Variants in CTNNA2 observed in about 807,000 individuals in gnomAD.
The protein encoded by CTNNA2 is catenin alpha-2.
Under a neutral mutation model 101.0 loss-of-function variants are expected in CTNNA2, and 42 were observed. That is an observed-to-expected ratio of 0.42 (90% CI 0.32 to 0.54). The LOEUF (loss-of-function observed/expected upper bound fraction) is 0.54, where lower values mean the gene tolerates loss of function less well. Ranked by LOEUF, CTNNA2 falls within the 20% of genes least tolerant of loss-of-function variation. The probability of loss-of-function intolerance (pLI) is 0.14; values close to 1 mark genes in which losing one functional copy is unlikely to be tolerated. For synonymous variants in CTNNA2, 450 were observed against 456.4 expected, an observed-to-expected ratio of 0.99 and a Z score of 0.18; for missense variants, 871 against 1,223.1, an observed-to-expected ratio of 0.71 and a Z score of 4.29.
chr2:79,735,648 C>T (rs1019347936), intron 2 of CTNNA2, among the ~76,000 whole-genome samples: 7 of 152,154 alleles, frequency 4.6e-5, no homozygotes, highest in African/African-American at 1.7e-4. Context: ...GAGGGTACGT[C>T]TACAATAATT....
At chr2:79,272,655 G>C (rs562178414) in intron 2 of CTNNA2, among the ~76,000 whole-genome samples, 51 of 152,128 alleles carry the variant, frequency 3.4e-4, no homozygotes, top group African/African-American at 1.2e-3. Flanking sequence ...CCTTGCCACT[G>C]TAAATTGGAT....
At chr2:80,466,304 G>A (rs1684849997) in intron 9 of CTNNA2, among the ~76,000 whole-genome samples, 5 of 152,210 alleles carry the variant, frequency 3.3e-5, no homozygotes, top group African/African-American at 1.2e-4. Flanking sequence ...TGATGCAAAA[G>A]CGTGCCTGTT....
intron 5 of CTNNA2, among the ~76,000 whole-genome samples, chr2:79,871,654 A>G (rs1682591208): frequency 6.6e-6 from 1 of 152,176 alleles, no homozygotes; most frequent in African/African-American, 2.4e-5. Flanking sequence ...ACTGGCTCAC[A>G]TGCCAGTCAC....
At chr2:79,300,922 T>C (rs924262321) in intron 2 of CTNNA2, among the ~76,000 whole-genome samples, 1 of 152,132 alleles carries the variant, frequency 6.6e-6, no homozygotes, top group East Asian at 1.9e-4. Flanking sequence ...TCCAGGTGTA[T>C]TTTTGGTTCC....
intron 1 of CTNNA2, among the ~76,000 whole-genome samples, chr2:79,536,457 T>C (rs1673066575): frequency 6.6e-6 from 1 of 152,184 alleles, no homozygotes; most frequent in African/African-American, 2.4e-5. Flanking sequence ...CAGATACCAG[T>C]AGTACAATCT....
chr2:79,188,585 A>G (rs1412685395), intron 1 of CTNNA2, among the ~76,000 whole-genome samples: 2 of 152,200 alleles, frequency 1.3e-5, no homozygotes, highest in African/African-American at 2.4e-5. Context: ...GACAATAGAC[A>G]ACAGAGAATA....
chr2:80,617,319 G>A (rs1210171496), intron 17 of CTNNA2, among the ~76,000 whole-genome samples: 1 of 151,384 alleles, frequency 6.6e-6, no homozygotes, highest in East Asian at 1.9e-4. Context: ...TCAAAGATAA[G>A]CCAACTAGTC....
chr2:80,350,708 C>A (rs1673205720), intron 7 of CTNNA2, among the ~76,000 whole-genome samples: 1 of 152,136 alleles, frequency 6.6e-6, no homozygotes, highest in Admixed American at 6.6e-5. Context: ...CCAATTTGAA[C>A]TCTGGCATTG....
intron 7 of CTNNA2, among the ~76,000 whole-genome samples, chr2:80,379,899 C>G (rs1176588554): frequency 6.6e-6 from 1 of 152,000 alleles, no homozygotes; most frequent in Non-Finnish European, 1.5e-5. Flanking sequence ...TAAGACTCTC[C>G]TATTTATTTT....
intron 9 of CTNNA2, among the ~76,000 whole-genome samples, chr2:80,449,817 A>C (rs28607860): frequency 0.018 from 2,793 of 152,302 alleles, 49 homozygotes; most frequent in East Asian, 0.081. Context: ...CTTGGTGTGT[A>C]GCCAAGTACA....
In CTNNA2 at chr2:79,976,464, T is replaced by C. The variant is rs563875716; in HGVS notation, c.1056+66667T>C. Among the ~76,000 whole-genome samples, 4 of 152,312 alleles carry C rather than the reference T, an allele frequency of 2.6e-5. No homozygotes were observed. In the South Asian group the frequency reaches 8.3e-4, roughly 32 times the overall value. On this transcript the variant is annotated intron_variant, in intron 7 of 18. Coordinates refer to ENST00000402739, the MANE Select transcript of CTNNA2 (RefSeq NM_001282597.3). ...GTCTCCATTCGAGAGCACTTTTGCT[T>C]TCTCTAGATGGCTGCAAAAGTGTCT...
At chr2:79,222,962 A>G (rs1009328477) in intron 2 of CTNNA2, among the ~76,000 whole-genome samples, 3 of 151,954 alleles carry the variant, frequency 2.0e-5, no homozygotes, top group Admixed American at 2.0e-4. Flanking sequence ...CCTTGGAAAC[A>G]TAGAGATACC....
chr2:80,011,387 G>A (rs1481004954), intron 7 of CTNNA2, among the ~76,000 whole-genome samples: 1 of 152,106 alleles, frequency 6.6e-6, no homozygotes, highest in Non-Finnish European at 1.5e-5. Flanking sequence ...TTGGAGGCTT[G>A]GCCCATAACT....
chr2:80,173,302 A>C (rs1308413455), intron 7 of CTNNA2, among the ~76,000 whole-genome samples: 3 of 152,200 alleles, frequency 2.0e-5, no homozygotes, highest in Admixed American at 2.0e-4. Context: ...AAGTGGGACA[A>C]AGTGCTTTCA....
intron 1 of CTNNA2, among the ~76,000 whole-genome samples, chr2:79,594,694 C>T (rs1677075999): frequency 6.6e-6 from 1 of 152,092 alleles, no homozygotes; most frequent in South Asian, 2.1e-4. Context: ...GGGCATTTCT[C>T]TTCCTGTTTC....
At chr2:79,458,530 T>C (rs1294774033) in intron 4 of CTNNA2, among the ~76,000 whole-genome samples, 1 of 152,126 alleles carries the variant, frequency 6.6e-6, no homozygotes, top group African/African-American at 2.4e-5. Context: ...TCACTTATTT[T>C]TTCATCACAA....
At chr2:80,109,436 G>T (rs1701079438) in intron 7 of CTNNA2, among the ~76,000 whole-genome samples, 1 of 152,028 alleles carries the variant, frequency 6.6e-6, no homozygotes, top group Non-Finnish European at 1.5e-5. Flanking sequence ...ACTCCAGCCT[G>T]GGTGACAGAG....
rs745838006 is a variant in CTNNA2 at position 80,303,789 on chromosome 2, A to G, written c.1057-89422A>G. ...CCCGAGGGCCTCCTCAGCAGCCAGTATAGACAGAGACCGAGCAGCAGGAAA... is the reference window on the plus strand; with the variant it reads ...CCCGAGGGCCTCCTCAGCAGCCAGTGTAGACAGAGACCGAGCAGCAGGAAA... On this transcript the variant is annotated intron_variant, in intron 7 of 18. Transcript: ENST00000402739. The surrounding 1 kb of genome is among the most constrained non-coding windows in gnomAD (Gnocchi z 7.7). 5 of 1,535,476 alleles carry G rather than the reference A, an allele frequency of 3.3e-6. No individual in the cohort carries two copies. The highest frequency in any genetic ancestry group is 2.1e-5 in the Admixed American group (1 of 47,768).
intron 2 of CTNNA2, among the ~76,000 whole-genome samples, chr2:79,214,656 G>A (rs958821192): frequency 2.0e-5 from 3 of 152,044 alleles, no homozygotes; most frequent in African/African-American, 7.2e-5. Flanking sequence ...TCCTATGCTT[G>A]TGGGTAAGGT....
Sources: gnomAD v4.1 joint callset for allele counts (sites outside exome capture counted in the v4.1 genomes callset) on GRCh38, gnomAD v4.1.1 for gene constraint, Gnocchi (gnomAD v3.1) non-coding constraint, MANE v1.5 for transcripts, NCBI Gene and HGNC (gene_info 2026-07-23, HGNC 2026-07-21) for gene names.